Variants in CTNNA3 observed in about 807,000 individuals in gnomAD.
The protein encoded by CTNNA3 is catenin alpha 3.
Under a neutral mutation model 95.7 loss-of-function variants are expected in CTNNA3, and 76 were observed. That is an observed-to-expected ratio of 0.79 (90% confidence interval 0.66 to 0.96). The LOEUF (loss-of-function observed/expected upper bound fraction) is 0.96. Among genes scored for constraint, CTNNA3 ranks in the 40% least tolerant of loss-of-function variants. The pLI is 0.00. For missense variants in CTNNA3, 1,191 were observed against 1,089.8 expected, an observed-to-expected ratio of 1.09 and a Z score of -1.31; for synonymous variants, 431 against 374.4, an observed-to-expected ratio of 1.15 and a Z score of -1.74.
chr10:65,914,456 GC>G lies in CTNNA3; in HGVS notation c.*5873del. On this transcript the variant is annotated 3_prime_UTR_variant, in exon 18 of 18. Transcript: ENST00000433211. The stretch of plus-strand genomic sequence containing the variant: ...TAGCCTTCAGTCGACTCTAAAAAAG[GC>G]CATGTAATTTTAAAACACAAAGTTT... 1 of 152,212 alleles carries G rather than the reference GC, an allele frequency of 6.6e-6. No homozygotes were observed. The highest frequency in any genetic ancestry group is 1.5e-5 in the Non-Finnish European group (1 of 67,994). The allele number at this position is 152,212 out of a possible 1,614,324, so 9.4% of individuals were successfully genotyped here.
intron 5 of CTNNA3, among the ~76,000 whole-genome samples, chr10:67,393,373 TG>T (rs1176642190): frequency 6.6e-6 from 1 of 152,152 alleles, no homozygotes; most frequent in African/African-American, 2.4e-5. Context: ...AATAGTATGG[TG>T]GAATGGCTTT....
intron 13 of CTNNA3, 75 bp from the exon 14 acceptor site, chr10:66,103,324 C>G: frequency 9.0e-7 from 1 of 1,115,128 alleles, no homozygotes; most frequent in Non-Finnish European, 1.4e-6. Flanking sequence ...GCGGCAGTAC[C>G]TTAAAAGGGT....
intron 5 of CTNNA3, among the ~76,000 whole-genome samples, chr10:67,384,343 G>A (rs546699353): frequency 6.6e-6 from 1 of 152,180 alleles, no homozygotes; most frequent in Non-Finnish European, 1.5e-5. Flanking sequence ...AGGAATATAT[G>A]ATATCCTTGG....
intron 7 of CTNNA3, among the ~76,000 whole-genome samples, chr10:66,946,360 G>T (rs1848274119): frequency 6.6e-6 from 1 of 152,152 alleles, no homozygotes; most frequent in Admixed American, 6.5e-5. Flanking sequence ...TTTAATATGT[G>T]AGAGACATTT....
intron 7 of CTNNA3, among the ~76,000 whole-genome samples, chr10:67,152,302 A>C (rs1360565485): frequency 6.6e-6 from 1 of 152,208 alleles, no homozygotes; most frequent in East Asian, 1.9e-4. Flanking sequence ...CAGAATAAGA[A>C]GAAACTGCCA....
intron 3 of CTNNA3, among the ~76,000 whole-genome samples, chr10:67,598,868 TG>T (rs768345119): frequency 6.6e-6 from 1 of 151,922 alleles, no homozygotes; most frequent in Non-Finnish European, 1.5e-5. Context: ...AACTACAGAC[TG>T]GGGAGCCCTA....
intron 1 of CTNNA3, among the ~76,000 whole-genome samples, chr10:67,691,957 C>G (rs1357638087): frequency 3.3e-5 from 5 of 150,004 alleles, no homozygotes; most frequent in African/African-American, 7.3e-5. Flanking sequence ...GTCAGCCCCC[C>G]ACCCGGCCAG....
intron 17 of CTNNA3, among the ~76,000 whole-genome samples, chr10:65,933,460 G>A (rs1260339366): frequency 6.6e-6 from 1 of 152,116 alleles, no homozygotes; most frequent in Non-Finnish European, 1.5e-5. Flanking sequence ...ATCAAGCTTA[G>A]AAGCCCACCT....
intron 13 of CTNNA3, among the ~76,000 whole-genome samples, chr10:66,245,066 C>T (rs983757888): frequency 5.3e-5 from 8 of 152,136 alleles, no homozygotes; most frequent in South Asian, 2.1e-4. Flanking sequence ...GCTCAGCTCA[C>T]GCTACCAGCC....
chr10:66,231,254 T>C (rs2132010505), intron 13 of CTNNA3, among the ~76,000 whole-genome samples: 1 of 152,276 alleles, frequency 6.6e-6, no homozygotes, highest in East Asian at 1.9e-4. Flanking sequence ...AAAGCTCCTC[T>C]TGGCTTGCAG....
At chr10:66,621,903 T>TC in intron 9 of CTNNA3, 119 bp from the exon 10 acceptor site, 1 of 538,766 alleles carries the variant, frequency 1.9e-6, no homozygotes, top group Non-Finnish European at 3.3e-6. Flanking sequence ...AATAACATTC[T>TC]CAAAATCATC....
intron 1 of CTNNA3, among the ~76,000 whole-genome samples, chr10:67,676,904 T>C (rs772304064): frequency 3.3e-5 from 5 of 152,114 alleles, no homozygotes; most frequent in Non-Finnish European, 5.9e-5. Flanking sequence ...TAGGGTAACA[T>C]AGGCCACAAG....
At chr10:66,811,354 T>C (rs185010182) in intron 7 of CTNNA3, among the ~76,000 whole-genome samples, 48 of 152,204 alleles carry the variant, frequency 3.2e-4, no homozygotes, top group Non-Finnish European at 3.4e-4. Context: ...CTTCAACACT[T>C]AGAGGCCAGT....
At chr10:66,867,692 G>C (rs1844233418) in intron 7 of CTNNA3, among the ~76,000 whole-genome samples, 1 of 151,856 alleles carries the variant, frequency 6.6e-6, no homozygotes, top group Admixed American at 6.6e-5. Flanking sequence ...TGTCGTTATT[G>C]GGAACAAAAA....
chr10:66,704,872 T>A (rs1848067377), intron 9 of CTNNA3, among the ~76,000 whole-genome samples: 1 of 152,184 alleles, frequency 6.6e-6, no homozygotes, highest in Admixed American at 6.6e-5. Flanking sequence ...AATCTGGATG[T>A]CATTTGTTCA....
At chr10:66,066,817 G>A (rs147632015) in intron 15 of CTNNA3, among the ~76,000 whole-genome samples, 1 of 152,216 alleles carries the variant, frequency 6.6e-6, no homozygotes, top group East Asian at 1.9e-4. Flanking sequence ...ATATGCATAT[G>A]AGAATATCTA....
intron 5 of CTNNA3, among the ~76,000 whole-genome samples, chr10:67,447,172 T>C (rs1373135843): frequency 6.6e-6 from 1 of 152,206 alleles, no homozygotes; most frequent in Non-Finnish European, 1.5e-5. Context: ...TTAGCTAACA[T>C]TGATGGTCAC....
intron 5 of CTNNA3, among the ~76,000 whole-genome samples, chr10:67,327,553 G>A (rs1025976626): frequency 6.6e-6 from 1 of 152,200 alleles, no homozygotes; most frequent in Admixed American, 6.5e-5. Flanking sequence ...CTTGTATTGA[G>A]CCCCAACTTT....
chr10:67,650,038 C>T (rs2133489038), intron 1 of CTNNA3, among the ~76,000 whole-genome samples: 1 of 152,228 alleles, frequency 6.6e-6, no homozygotes, highest in East Asian at 1.9e-4. Context: ...AGGGTTTCTC[C>T]ATGTTGGTCA....
Sources: gnomAD v4.1 joint callset for allele counts (sites outside exome capture counted in the v4.1 genomes callset) on GRCh38, gnomAD v4.1.1 for gene constraint, MANE v1.5 for transcripts, NCBI Gene and HGNC (gene_info 2026-07-23, HGNC 2026-07-21) for gene names.